Variants in PCDH15 observed in about 807,000 individuals in gnomAD.
PCDH15 encodes the protein protocadherin-15.
A neutral mutation model predicts 178.5 loss-of-function variants in PCDH15; 129 were observed. The ratio of observed to expected loss-of-function variants is 0.72; its 90% CI spans 0.63 to 0.84. The LOEUF is 0.84. Ranked by LOEUF, PCDH15 falls within the 40% of genes least tolerant of loss-of-function variation. The probability of loss-of-function intolerance (pLI) is 0.00; values close to 1 mark genes in which losing one functional copy is unlikely to be tolerated. For missense variants in PCDH15, 2,230 were observed against 2,099.9 expected, an observed-to-expected ratio of 1.06 and a Z score of -1.21; for synonymous variants, 800 against 732.0, an observed-to-expected ratio of 1.09 and a Z score of -1.50.
intron 2 of PCDH15, among the ~76,000 whole-genome samples, chr10:55,150,475 A>G (rs1838678426): frequency 2.0e-5 from 3 of 152,078 alleles, no homozygotes; most frequent in Admixed American, 2.0e-4. Flanking sequence ...CCCGCCAAAT[A>G]TTGTGTATTT....
rs1252171293 is a variant in PCDH15 at position 55,142,332 on chromosome 10, TAAAC to T, written c.-80+24240_-80+24243del. ...TTAATAGTTTAGATTGGCTGAAAAG[TAAAC>T]AAAAATATAATTATACTGTTAACTT... On this transcript the variant is annotated intron_variant, in intron 2 of 5. Transcript: ENST00000458638. Among the ~76,000 whole-genome samples, 3 of 152,106 alleles carry T rather than the reference TAAAC, an allele frequency of 2.0e-5. No homozygotes were observed. In the East Asian group the frequency reaches 5.8e-4, roughly 30 times the overall value.
At chr10:54,714,574 A>G (rs1451534435) in intron 1 of PCDH15, among the ~76,000 whole-genome samples, 1 of 152,142 alleles carries the variant, frequency 6.6e-6, no homozygotes, top group Non-Finnish European at 1.5e-5. Context: ...ATTTGATTCA[A>G]TTTTTCTAAA....
rs1228116470 is a variant in PCDH15, at chr10:55,483,623, T to C, written c.-156+144002A>G. 2.6e-5 allele frequency among the ~76,000 whole-genome samples: 4 copies of C among 151,674 alleles called. No homozygotes were observed. In the South Asian group the frequency reaches 8.3e-4, roughly 31 times the overall value. ...ATATCATTCAACACAGCAATCCCAT[T>C]ACCACATATATACCCAAAGGAATAT... On this transcript the variant is annotated intron_variant, in intron 2 of 5. Coordinates refer to the PCDH15 transcript ENST00000613346.
intron 15 of PCDH15, among the ~76,000 whole-genome samples, chr10:54,091,914 G>A (rs1036777894): frequency 2.6e-5 from 4 of 151,998 alleles, no homozygotes; most frequent in Admixed American, 2.0e-4. Flanking sequence ...TGCTGAAGAC[G>A]GTCATATCTC....
intron 3 of PCDH15, among the ~76,000 whole-genome samples, chr10:54,865,285 T>C (rs1302680816): frequency 6.6e-6 from 1 of 152,096 alleles, no homozygotes; most frequent in Non-Finnish European, 1.5e-5. Context: ...CTGTCATCTT[T>C]CTCTTGTGCT....
chr10:55,608,281 G>C (rs927268798), intron 2 of PCDH15, among the ~76,000 whole-genome samples: 4 of 150,992 alleles, frequency 2.6e-5, no homozygotes, highest in African/African-American at 9.7e-5. Context: ...AAGAGATAGG[G>C]AAGGGAAGGG....
chr10:54,388,315 T>C (rs1348271813), intron 3 of PCDH15, among the ~76,000 whole-genome samples: 2 of 152,222 alleles, frequency 1.3e-5, no homozygotes, highest in Non-Finnish European at 2.9e-5. Flanking sequence ...GTTCAACTTC[T>C]GGTCCTAGAA....
chr10:54,039,728 T>G (rs997080195), intron 18 of PCDH15, among the ~76,000 whole-genome samples: 1 of 151,996 alleles, frequency 6.6e-6, no homozygotes, highest in East Asian at 1.9e-4. Flanking sequence ...GCTGCTAAAA[T>G]TGAGGAAAAC....
chr10:55,354,003 C>T (rs1235341134), intron 2 of PCDH15, among the ~76,000 whole-genome samples: 1 of 152,044 alleles, frequency 6.6e-6, no homozygotes, highest in East Asian at 1.9e-4. Context: ...ATTTCCTTGC[C>T]CAACACCCCT....
At chr10:54,873,695 T>TTTTATATATATATATATATATA (rs1554809277) in intron 3 of PCDH15, among the ~76,000 whole-genome samples, 1 of 138,928 alleles carries the variant, frequency 7.2e-6, no homozygotes, top group Non-Finnish European at 1.5e-5. Flanking sequence ...CTGCTGTATT[T>TTTTATATATATATATATATATA]TATATATATA....
chr10:54,181,270 T>C (rs1031460091), intron 13 of PCDH15, among the ~76,000 whole-genome samples: 1 of 152,234 alleles, frequency 6.6e-6, no homozygotes. Flanking sequence ...GTCATGTATC[T>C]ACAGCTTCCC....
chr10:55,389,222 T>C (rs1486548565), intron 2 of PCDH15, among the ~76,000 whole-genome samples: 1 of 151,796 alleles, frequency 6.6e-6, no homozygotes. Context: ...CAGCATGCTG[T>C]GTGAGAAGAG....
At chr10:54,201,105 G>A (rs753828031) in intron 10 of PCDH15, among the ~76,000 whole-genome samples, 19 of 152,196 alleles carry the variant, frequency 1.2e-4, no homozygotes, top group African/African-American at 2.9e-4. Context: ...TACAGGTACC[G>A]AAAACAAGAA....
At chr10:54,213,729 C>T (rs1221191601) in intron 10 of PCDH15, among the ~76,000 whole-genome samples, 1 of 152,068 alleles carries the variant, frequency 6.6e-6, no homozygotes, top group East Asian at 1.9e-4. Flanking sequence ...TATTTTACCC[C>T]ATAGTACTAT....
At position 55,335,244 on chromosome 10, in the gene PCDH15, G is replaced by T. The variant is rs996063851; in HGVS notation, c.-155-168593C>A. Among the ~76,000 whole-genome samples the T allele has an allele frequency of 2.6e-5, 4 of 152,226 alleles. No homozygotes were observed. In the East Asian group the frequency reaches 5.8e-4, roughly 22 times the overall value. On this transcript the variant is annotated intron_variant, in intron 2 of 5. Coordinates refer to the PCDH15 transcript ENST00000613346. ...CTGCCTCCAAGGGTATGGTACTATT[G>T]TCTTACTAAATGATGGAGATATGGA...
intron 3 of PCDH15, among the ~76,000 whole-genome samples, chr10:54,521,838 C>T (rs1171251259): frequency 6.6e-6 from 1 of 151,716 alleles, no homozygotes; most frequent in Admixed American, 6.6e-5. Flanking sequence ...GCCTGTAATC[C>T]CAGCACTTTG....
chr10:53,838,967 T>C (rs1222993098), intron 29 of PCDH15, among the ~76,000 whole-genome samples: 1 of 151,956 alleles, frequency 6.6e-6, no homozygotes, highest in African/African-American at 2.4e-5. Context: ...CACTTTGGGA[T>C]GCCAAGGCGG....
intron 9 of PCDH15, 104 bp from the exon 10 acceptor site, chr10:54,214,152 C>T (rs1249298149): frequency 1.0e-5 from 7 of 693,498 alleles, no homozygotes; most frequent in Non-Finnish European, 1.8e-5. Flanking sequence ...GCTACAATTT[C>T]ATTAGTAAAT....
intron 1 of PCDH15, among the ~76,000 whole-genome samples, chr10:55,226,533 C>A (rs1456748156): frequency 6.6e-6 from 1 of 151,872 alleles, no homozygotes; most frequent in Non-Finnish European, 1.5e-5. Context: ...AGGCACCCAC[C>A]ACCACAGTCG....
Sources: allele counts gnomAD v4.1 joint callset (sites outside exome capture counted in the v4.1 genomes callset), GRCh38; gene constraint gnomAD v4.1.1; transcripts MANE v1.5; gene names NCBI Gene and HGNC (gene_info 2026-07-23, HGNC 2026-07-21).